Variants in UNC13C observed in about 807,000 individuals in gnomAD.
UNC13C encodes protein unc-13 homolog C.
A neutral mutation model predicts 245.4 loss-of-function variants in UNC13C; 174 were observed. That is an observed-to-expected ratio of 0.71 (90% confidence interval 0.63 to 0.80). The LOEUF is 0.80. Among genes scored for constraint, UNC13C ranks in the 30% least tolerant of loss-of-function variants. The pLI is 0.00. For missense variants in UNC13C, 2,829 were observed against 2,602.9 expected, an observed-to-expected ratio of 1.09 and a Z score of -1.89; for synonymous variants, 992 against 895.1, an observed-to-expected ratio of 1.11 and a Z score of -1.93.
At chr15:53,920,022 G>A in the UNC13C span, among the ~76,000 whole-genome samples, 25 of 151,850 alleles carry the variant, frequency 1.6e-4, no homozygotes, top group Non-Finnish European at 3.4e-4. Flanking sequence ...TTAGAAGACA[G>A]CTATATAATT....
At chr15:54,190,305 A>G (rs374160473) in intron 4 of UNC13C, among the ~76,000 whole-genome samples, 5 of 152,228 alleles carry the variant, frequency 3.3e-5, no homozygotes, top group East Asian at 3.9e-4. Context: ...AAGACAGGTA[A>G]TTCCTTTGGA....
chr15:53,975,861 C>G (rs1893678855), upstream of UNC13C, among the ~76,000 whole-genome samples: 1 of 152,122 alleles, frequency 6.6e-6, no homozygotes. Context: ...ATCCAACCAT[C>G]TATAAGTTTT....
chr15:54,525,743 T>A, intron 25 of UNC13C, 106 bp downstream of exon 25: 1 of 892,116 alleles, frequency 1.1e-6, no homozygotes, highest in East Asian at 2.7e-5. Flanking sequence ...CTACTTAACT[T>A]CAAGACCCAA....
At chr15:54,597,065 G>A (rs1237001725) in intron 30 of UNC13C, among the ~76,000 whole-genome samples, 1 of 152,112 alleles carries the variant, frequency 6.6e-6, no homozygotes, top group East Asian at 1.9e-4. Context: ...TTCATCTTGG[G>A]CAGTTTCATC....
Position 54,626,735 on chromosome 15 carries a change from A to G in UNC13C, c.6360-93A>G, listed in dbSNP as rs140201183. ...ATTTGCCAACATAATAATCAGATCC[A>G]ATGTATACAGTTTTCAGCAGTATTT... On this transcript the variant is annotated intron_variant, in intron 32 of 32. Transcript: ENST00000260323. The G allele has an allele frequency of 4.6e-4, 500 of 1,097,534 alleles. 1 individual carries two copies. In the African/African-American group the frequency reaches 7.2e-3, roughly 16 times the overall value. The allele number at this position is 1,097,534 out of a possible 1,614,324, so 68.0% of individuals were successfully genotyped here. A position where few individuals can be genotyped will look rare whatever the true frequency, so the allele number is the denominator to read the frequency against.
chr15:54,020,777 A>G (rs1566955658), intron 2 of UNC13C, among the ~76,000 whole-genome samples: 1 of 152,184 alleles, frequency 6.6e-6, no homozygotes, highest in Non-Finnish European at 1.5e-5. Flanking sequence ...ATTTTCCTGT[A>G]GAAACCATTT....
intron 10 of UNC13C, among the ~76,000 whole-genome samples, chr15:54,272,392 A>G (rs927444334): frequency 6.6e-6 from 1 of 152,182 alleles, no homozygotes; most frequent in Non-Finnish European, 1.5e-5. Flanking sequence ...ACAGCAGACT[A>G]ATATTTTAAA....
At chr15:54,241,181 A>G (rs1207028815) in intron 7 of UNC13C, among the ~76,000 whole-genome samples, 1 of 152,194 alleles carries the variant, frequency 6.6e-6, no homozygotes, top group African/African-American at 2.4e-5. Flanking sequence ...GAGGGATCCT[A>G]GAGCCCTGTT....
At chr15:53,967,058 C>T in the UNC13C span, among the ~76,000 whole-genome samples, 3 of 151,810 alleles carry the variant, frequency 2.0e-5, no homozygotes, top group South Asian at 2.1e-4. Context: ...ATCTGTGTAC[C>T]CTCACCTCTA....
chr15:54,438,143 C>T (rs1890320969), intron 19 of UNC13C, among the ~76,000 whole-genome samples: 2 of 151,888 alleles, frequency 1.3e-5, no homozygotes, highest in Admixed American at 1.3e-4. Flanking sequence ...GGACACATGT[C>T]TGGAACAGCT....
At chr15:54,365,984 C>T (rs2039356394) in intron 17 of UNC13C, among the ~76,000 whole-genome samples, 1 of 152,128 alleles carries the variant, frequency 6.6e-6, no homozygotes, top group Non-Finnish European at 1.5e-5. Flanking sequence ...GTGACCTTTG[C>T]AGCACATTCG....
chr15:54,587,312 A>G (rs1898545664), intron 30 of UNC13C, among the ~76,000 whole-genome samples: 1 of 152,228 alleles, frequency 6.6e-6, no homozygotes, highest in African/African-American at 2.4e-5. Flanking sequence ...AGGACAGTTC[A>G]CAAAACCCGT....
intron 19 of UNC13C, among the ~76,000 whole-genome samples, chr15:54,481,806 G>A (rs555998405): frequency 5.3e-5 from 8 of 152,046 alleles, no homozygotes; most frequent in Admixed American, 3.3e-4. Flanking sequence ...ATGGTGCATG[G>A]GGATGCCAGC....
At chr15:54,248,863 G>T (rs1417565006) in intron 7 of UNC13C, among the ~76,000 whole-genome samples, 1 of 152,200 alleles carries the variant, frequency 6.6e-6, no homozygotes, top group East Asian at 1.9e-4. Context: ...AACATATTCT[G>T]GGAAAACACA....
chr15:54,339,868 T>C (rs980114192), intron 17 of UNC13C, among the ~76,000 whole-genome samples: 2 of 152,192 alleles, frequency 1.3e-5, no homozygotes, highest in Non-Finnish European at 2.9e-5. Context: ...ATCTCCACAC[T>C]GTTTTCCAAA....
chr15:53,886,128 G>T, the UNC13C span, among the ~76,000 whole-genome samples: 24 of 152,246 alleles, frequency 1.6e-4, no homozygotes, highest in Admixed American at 1.4e-3. Context: ...AATATTTATA[G>T]ATATGTGTAT....
At chr15:54,283,710 ATGTGTGTGTGTG>A (rs56013029) in intron 10 of UNC13C, among the ~76,000 whole-genome samples, 2 of 149,584 alleles carry the variant, frequency 1.3e-5, no homozygotes, top group Non-Finnish European at 3.0e-5. Flanking sequence ...GTATATATAT[ATGTGTGTGTGTG>A]TGTGTGTGTG....
the UNC13C span, among the ~76,000 whole-genome samples, chr15:53,869,567 G>A: frequency 6.6e-6 from 1 of 152,098 alleles, no homozygotes; most frequent in Non-Finnish European, 1.5e-5. Flanking sequence ...ATAAGTAATA[G>A]TACTTAAATT....
chr15:53,998,073 G>A (rs762178839), intron 1 of UNC13C, among the ~76,000 whole-genome samples: 1 of 152,130 alleles, frequency 6.6e-6, no homozygotes, highest in Admixed American at 6.5e-5. Flanking sequence ...AAAGTGCTAG[G>A]ATTACAGGTA....
Sources: gnomAD v4.1 joint callset for allele counts (sites outside exome capture counted in the v4.1 genomes callset) on GRCh38, gnomAD v4.1.1 for gene constraint, MANE v1.5 for transcripts, NCBI Gene and HGNC (gene_info 2026-07-23, HGNC 2026-07-21) for gene names.